The following GLIS3 variants were observed in gnomAD, a reference collection of about 807,000 sequenced individuals.
The protein encoded by GLIS3 is GLIS family zinc finger 3.
GLIS3 carries 53 observed loss-of-function variants against 78.6 expected under a neutral mutation model. That is an observed-to-expected ratio of 0.67 (90% CI 0.54 to 0.85). GLIS3 has a LOEUF of 0.85. Among genes scored for constraint, GLIS3 ranks in the 40% least tolerant of loss-of-function variants. The pLI is 0.00. For synonymous variants in GLIS3, 684 were observed against 509.9 expected, an observed-to-expected ratio of 1.34 and a Z score of -4.60; for missense variants, 1,703 against 1,231.1, an observed-to-expected ratio of 1.38 and a Z score of -5.74.
intron 2 of GLIS3, among the ~76,000 whole-genome samples, chr9:4,182,488 A>C (rs1817418567): frequency 6.6e-6 from 1 of 152,240 alleles, no homozygotes. Flanking sequence ...TTTTATCATC[A>C]GTGACAGTAT....
At chr9:4,385,810 AAAAGAAAGAAAGAGAAAAG>A in the GLIS3 span, among the ~76,000 whole-genome samples, 2 of 41,550 alleles carry the variant, frequency 4.8e-5, no homozygotes, top group Admixed American at 2.5e-4. Context: ...AGAAAGAAAG[AAAAGAAAGAAAGAGAAAAG>A]AAAGAAAAAA....
intron 7 of GLIS3, among the ~76,000 whole-genome samples, chr9:3,881,813 A>G (rs557814355): frequency 6.6e-6 from 1 of 152,300 alleles, no homozygotes; most frequent in African/African-American, 2.4e-5. Flanking sequence ...ACCTCTATAT[A>G]TCGATTTTAC....
chr9:3,837,732 A>G (rs1284438685), intron 9 of GLIS3, among the ~76,000 whole-genome samples: 1 of 152,238 alleles, frequency 6.6e-6, no homozygotes, highest in African/African-American at 2.4e-5. Context: ...AGGCAAAATT[A>G]TAGAGACAGT....
At chr9:4,446,194 G>C in the GLIS3 span, among the ~76,000 whole-genome samples, 41 of 152,194 alleles carry the variant, frequency 2.7e-4, 1 homozygote, top group Non-Finnish European at 2.9e-5. Context: ...GTGGTATTAA[G>C]AGGTGTGGTC....
chr9:4,150,517 G>A (rs1209679861), intron 2 of GLIS3, among the ~76,000 whole-genome samples: 8 of 152,164 alleles, frequency 5.3e-5, no homozygotes, highest in Non-Finnish European at 1.2e-4. Flanking sequence ...CTAGCACACA[G>A]CCTGGCACAA....
At chr9:4,229,338 G>T (rs1217994711) in intron 2 of GLIS3, among the ~76,000 whole-genome samples, 1 of 152,194 alleles carries the variant, frequency 6.6e-6, no homozygotes, top group Admixed American at 6.5e-5. Flanking sequence ...TACTAATTTT[G>T]AAAACAATAG....
At chr9:4,132,836 A>G (rs916248672) in intron 2 of GLIS3, among the ~76,000 whole-genome samples, 1 of 152,226 alleles carries the variant, frequency 6.6e-6, no homozygotes. Context: ...AGAAATATAC[A>G]TATTAGGGTT....
At chr9:4,489,449 G>T in the GLIS3 span, among the ~76,000 whole-genome samples, 2 of 152,154 alleles carry the variant, frequency 1.3e-5, no homozygotes, top group African/African-American at 4.8e-5. Context: ...AGCAAAAAGG[G>T]TTCCAGGCTC....
At chr9:3,916,866 A>G (rs1372630994) in intron 6 of GLIS3, among the ~76,000 whole-genome samples, 2 of 152,222 alleles carry the variant, frequency 1.3e-5, no homozygotes, top group Non-Finnish European at 2.9e-5. Context: ...CAAATTTTTA[A>G]AAATCCTTTT....
intron 1 of GLIS3, among the ~76,000 whole-genome samples, chr9:4,292,251 G>C (rs1439026324): frequency 6.6e-6 from 1 of 152,088 alleles, no homozygotes; most frequent in Non-Finnish European, 1.5e-5. Flanking sequence ...TAATGAAATA[G>C]GACTACTAGA....
intron 2 of GLIS3, among the ~76,000 whole-genome samples, chr9:4,171,196 G>A (rs192254569): frequency 6.6e-6 from 1 of 152,146 alleles, no homozygotes; most frequent in African/African-American, 2.4e-5. Context: ...GATGGGCATG[G>A]CAATATACAT....
intron 2 of GLIS3, among the ~76,000 whole-genome samples, chr9:4,140,319 G>T (rs1024096634): frequency 6.6e-6 from 1 of 152,040 alleles, no homozygotes; most frequent in Non-Finnish European, 1.5e-5. Flanking sequence ...GTGAGACCCT[G>T]TCCCCAAAAA....
At chr9:3,955,969 C>A (rs536014087) in intron 4 of GLIS3, among the ~76,000 whole-genome samples, 1 of 142,046 alleles carries the variant, frequency 7.0e-6, no homozygotes, top group East Asian at 2.2e-4. Flanking sequence ...TGGCTAGGAC[C>A]ATACCATAGA....
the GLIS3 span, among the ~76,000 whole-genome samples, chr9:4,380,193 A>T: frequency 6.6e-6 from 1 of 152,224 alleles, no homozygotes. Flanking sequence ...ACTCTTCCTT[A>T]AGAAGTTCTA....
chr9:4,313,433 C>T (rs749213188), intron 2 of GLIS3, among the ~76,000 whole-genome samples: 14 of 152,128 alleles, frequency 9.2e-5, no homozygotes, highest in Non-Finnish European at 2.1e-4. Flanking sequence ...TTTCAGAACC[C>T]GTCTCCTCCC....
chr9:4,367,102 A>G, the GLIS3 span, among the ~76,000 whole-genome samples: 4 of 152,208 alleles, frequency 2.6e-5, no homozygotes, highest in Non-Finnish European at 5.9e-5. Flanking sequence ...TTCAATGACA[A>G]AAATCATATT....
chr9:4,233,030 C>A (rs1392887269), intron 2 of GLIS3, among the ~76,000 whole-genome samples: 3 of 152,200 alleles, frequency 2.0e-5, no homozygotes, highest in African/African-American at 7.2e-5. Context: ...CACCACACGA[C>A]AGCAATGCTT....
intron 2 of GLIS3, among the ~76,000 whole-genome samples, chr9:4,315,442 T>C (rs10511456): frequency 0.39 from 59,994 of 152,064 alleles, 12,183 homozygotes; most frequent in African/African-American, 0.49. Flanking sequence ...ATGCTCTCCA[T>C]TTAATAATAA....
chr9:3,854,859 A>T (rs1000911953), intron 9 of GLIS3, among the ~76,000 whole-genome samples: 1 of 152,180 alleles, frequency 6.6e-6, no homozygotes, highest in East Asian at 1.9e-4. Context: ...TGATGTTCTT[A>T]TCCAAGCCTA....
Sources: gnomAD v4.1 joint callset for allele counts (sites outside exome capture counted in the v4.1 genomes callset) on GRCh38, gnomAD v4.1.1 for gene constraint, MANE v1.5 for transcripts, NCBI Gene and HGNC (gene_info 2026-07-23, HGNC 2026-07-21) for gene names.